The following PCDHGA1 variants were observed in gnomAD, a reference collection of about 807,000 sequenced individuals.
PCDHGA1 encodes the protein protocadherin gamma subfamily A, 1.
In PCDHGA1, 32 loss-of-function variants were observed where a neutral mutation model predicts 58.0. The ratio of observed to expected loss-of-function variants is 0.55; its 90% confidence interval spans 0.42 to 0.74. The LOEUF (loss-of-function observed/expected upper bound fraction) is 0.74. PCDHGA1 is among the 30% of genes least tolerant of loss of function. PCDHGA1 has a pLI of 0.00. For synonymous variants in PCDHGA1, 498 were observed against 501.1 expected, an observed-to-expected ratio of 0.99 and a Z score of 0.08; for missense variants, 1,205 against 1,182.3, an observed-to-expected ratio of 1.02 and a Z score of -0.28.
Position 141,394,654 on chromosome 5 carries a change from C to G in PCDHGA1, c.2421+61549C>G, listed in dbSNP as rs372355655. On this transcript the variant is annotated intron_variant, in intron 1 of 3. Transcript: ENST00000517417. Reference sequence around the variant, plus strand: ...TACCGCCTGCTCAAGGCCAGCGAGCCGGGACTCTTCTCGGTGGGTCTGCAC... The same window carrying G: ...TACCGCCTGCTCAAGGCCAGCGAGCGGGGACTCTTCTCGGTGGGTCTGCAC... 47 of 1,613,236 alleles carry G rather than the reference C, an allele frequency of 2.9e-5. No homozygotes were observed. The African/African-American group carries it at 5.7e-4, about 20-fold the overall frequency.
At position 141,365,023 on chromosome 5, in the gene PCDHGA1, G is replaced by A. The variant is rs775697621; in HGVS notation, c.2421+31918G>A. On this transcript the variant is annotated intron_variant, in intron 1 of 3. Transcript: ENST00000517417. Reference sequence around the variant, plus strand: ...CCGGCACCACGCACATCCGTGTTACGGTCCTCGACGCAAACGACAATGCGC... The same window carrying A: ...CCGGCACCACGCACATCCGTGTTACAGTCCTCGACGCAAACGACAATGCGC... 1.5e-4 allele frequency: 249 copies of A among 1,613,736 alleles called. No homozygotes were observed. The Middle Eastern group carries it at 3.6e-3, about 23-fold the overall frequency.
Position 141,501,290 on chromosome 5 carries a change from TACACACACACACAC to T in PCDHGA1, c.2481-4072_2481-4059del, listed in dbSNP as rs55762287. ...GTCCAGTCTATGGGATATTCCCTTA[TACACACACACACAC>T]ACACACACACACACACACACACACA... On this transcript the variant is annotated intron_variant, in intron 2 of 3. Transcript: ENST00000517417. Among the ~76,000 whole-genome samples, 10 of 136,248 alleles carry T rather than the reference TACACACACACACAC, an allele frequency of 7.3e-5. No homozygotes were observed. In the South Asian group the frequency reaches 1.2e-3, roughly 16 times the overall value. 89.4% of individuals were successfully genotyped at this position (136,248 alleles called of 152,430 possible).
At chr5:141,405,082 G>A (rs376389835) in intron 1 of PCDHGA1, 21 of 1,613,674 alleles carry the variant, frequency 1.3e-5, no homozygotes, top group East Asian at 2.2e-5. Context: ...TCGTTATCAC[G>A]CTGCTGGCCC....
At chr5:141,384,991 G>A in intron 1 of PCDHGA1, 2 of 1,614,124 alleles carry the variant, frequency 1.2e-6, no homozygotes, top group Non-Finnish European at 1.7e-6. Context: ...GGTGGCGGTG[G>A]CCACAGTCTC....
At chr5:141,340,803 C>G (rs756875314) in intron 1 of PCDHGA1, 20 of 1,613,730 alleles carry the variant, frequency 1.2e-5, no homozygotes, top group African/African-American at 2.7e-5. Flanking sequence ...CTGCTCAAGG[C>G]CAGCGAGCCG....
rs944974638 is a variant in PCDHGA1, at chr5:141,393,886, A to C, written c.2421+60781A>C. 3.7e-6 allele frequency: 6 copies of C among 1,614,034 alleles called. No individual in the cohort carries two copies. In the East Asian group the frequency reaches 1.3e-4, roughly 36 times the overall value. On this transcript the variant is annotated intron_variant, in intron 1 of 3. Coordinates refer to ENST00000517417, the MANE Select transcript of PCDHGA1 (RefSeq NM_018912.3). ...ACGTCTTTGTTTAGCCCAGTGTTAG[A>C]AAATTCTCTTCCCGGGACAGTAATT...
chr5:141,375,944 C>G (rs1365248346), intron 1 of PCDHGA1: 6 of 1,613,500 alleles, frequency 3.7e-6, no homozygotes, highest in Non-Finnish European at 5.1e-6. Flanking sequence ...CTCAGTGGGC[C>G]TGCACACGGG....
Position 141,366,322 on chromosome 5 carries a change from G to T in PCDHGA1, c.2421+33217G>T, listed in dbSNP as rs1764494961. 3.1e-6 allele frequency: 5 copies of T among 1,613,654 alleles called. No individual in the cohort carries two copies. The South Asian group carries it at 5.5e-5, about 18-fold the overall frequency. On this transcript the variant is annotated intron_variant, in intron 1 of 3. Transcript: ENST00000517417. ...CCACCTTCACGGTCACCGTTGCCGT[G>T]GCCGACAGGATCCCTGACATCCTGG... is the stretch of plus-strand genomic sequence containing the variant.
chr5:141,399,527 T>A (rs781680585), intron 1 of PCDHGA1: 2 of 1,614,016 alleles, frequency 1.2e-6, no homozygotes, highest in East Asian at 2.2e-5. Context: ...GGGGCCTCCA[T>A]CGCGCAAGTC....
At chr5:141,374,730 A>G (rs1770785005) in intron 1 of PCDHGA1, 1 of 1,610,644 alleles carries the variant, frequency 6.2e-7, no homozygotes, top group South Asian at 1.1e-5. Context: ...ACTGCCATGG[A>G]TGGCGGCGAC....
chr5:141,399,412 T>C (rs1473017519), intron 1 of PCDHGA1: 3 of 1,613,948 alleles, frequency 1.9e-6, no homozygotes, highest in East Asian at 4.5e-5. Context: ...GCCGCCCCTC[T>C]CCTCCAGCAT....
intron 1 of PCDHGA1, among the ~76,000 whole-genome samples, chr5:141,359,306 G>A (rs1761168540): frequency 6.6e-6 from 1 of 152,084 alleles, no homozygotes; most frequent in African/African-American, 2.4e-5. Context: ...AGCATATTCA[G>A]GTGTTGGCAT....
At chr5:141,409,831 C>A (rs1015263434) in intron 1 of PCDHGA1, 1 of 1,611,128 alleles carries the variant, frequency 6.2e-7, no homozygotes, top group African/African-American at 1.3e-5. Flanking sequence ...CCACGCTCAG[C>A]GCCAACGTGA....
intron 1 of PCDHGA1, chr5:141,339,876 C>A: frequency 6.2e-7 from 1 of 1,614,118 alleles, no homozygotes; most frequent in Non-Finnish European, 8.5e-7. Flanking sequence ...GGAGAACTGA[C>A]AATCATAAAA....
intron 1 of PCDHGA1, chr5:141,374,905 C>T (rs756655009): frequency 1.2e-6 from 2 of 1,613,616 alleles, no homozygotes; most frequent in Non-Finnish European, 8.5e-7. Flanking sequence ...AAGGAGTCCA[C>T]GGGGAAGTAA....
At chr5:141,340,267 G>T in intron 1 of PCDHGA1, 1 of 1,614,110 alleles carries the variant, frequency 6.2e-7, no homozygotes, top group African/African-American at 1.3e-5. Context: ...ACCCCTCCCT[G>T]TCCACGGATG....
In PCDHGA1 at chr5:141,383,143, G is replaced by T. The variant is rs371358932; in HGVS notation, c.2421+50038G>T. 1.9e-5 allele frequency: 30 copies of T among 1,614,090 alleles called. No homozygotes were observed. The African/African-American group carries it at 3.1e-4, about 16-fold the overall frequency. ...GCTTTTCGCCCTGAACCAGCGCAGC[G>T]GCAGCTTGGTCACTGCGGGCAGGAT... On this transcript the variant is annotated intron_variant, in intron 1 of 3. Coordinates refer to ENST00000517417, the MANE Select transcript of PCDHGA1 (RefSeq NM_018912.3).
At chr5:141,360,192 C>G (rs754322623) in intron 1 of PCDHGA1, 2 of 1,611,798 alleles carry the variant, frequency 1.2e-6, no homozygotes, top group Non-Finnish European at 1.7e-6. Context: ...TACTGTTGCC[C>G]TTCCTGTTGT....
intron 1 of PCDHGA1, chr5:141,393,176 A>G: frequency 1.9e-6 from 3 of 1,613,294 alleles, no homozygotes; most frequent in East Asian, 2.2e-5. Context: ...GGGTAGAAAT[A>G]GAAATAATTG....
Sources: allele counts gnomAD v4.1 joint callset (sites outside exome capture counted in the v4.1 genomes callset), GRCh38; gene constraint gnomAD v4.1.1; transcripts MANE v1.5; gene names NCBI Gene and HGNC (gene_info 2026-07-23, HGNC 2026-07-21).